NARF: variants seen among roughly 807,000 people sequenced by gnomAD.
NARF encodes nuclear prelamin A recognition factor, also known as iron-only hydrogenase-like protein 2.
NARF carries 41 observed loss-of-function variants against 48.0 expected under a neutral mutation model. That is an observed-to-expected ratio of 0.85 (90% CI 0.66 to 1.11). NARF has a LOEUF of 1.11. Ranked by LOEUF, NARF falls within the 50% of genes least tolerant of loss-of-function variation. NARF has a pLI of 0.00. For missense variants in NARF, 613 were observed against 590.2 expected (o/e 1.04, Z -0.40); for synonymous variants, 215 against 225.5 (o/e 0.95, Z 0.42).
chr17:82,478,990 A>G, intron 6 of NARF, 72 bp downstream of exon 6: 3 of 1,440,298 alleles, frequency 2.1e-6, no homozygotes, highest in Non-Finnish European at 1.9e-6. Flanking sequence ...CAGGAAGGGG[A>G]GGTTCCCCAT....
At chr17:82,470,437 A>G (rs372052657) in intron 4 of NARF, among the ~76,000 whole-genome samples, 179 of 152,356 alleles carry the variant, frequency 1.2e-3, no homozygotes, top group African/African-American at 3.7e-3. Context: ...ATATATCAAT[A>G]AAATGTATCC....
intron 3 of NARF, among the ~76,000 whole-genome samples, chr17:82,466,035 CG>C (rs1221659613): frequency 1.3e-5 from 2 of 152,202 alleles, no homozygotes; most frequent in Non-Finnish European, 2.9e-5. Context: ...CAGCCAGGTT[CG>C]CCATGCATAC....
rs775396816 is a variant in NARF at position 82,488,133 on chromosome 17, A to C, written c.1347A>C (p.Thr449=). ...CGTACCAGAGCCAGGAGCGTGGCAC[A>C]CACAGCCTGGACATCAAGTGGTGAA... ...HTTYQSQERG[T]HSLDIKW Residue 449 remains threonine, a synonymous_variant, in exon 11 of 11, where the codon ACA becomes ACC. Transcript: ENST00000309794. The C allele has an allele frequency of 1.2e-6, 2 of 1,613,994 alleles. No individual in the cohort carries two copies. The highest frequency in any genetic ancestry group is 2.2e-5 in the South Asian group (2 of 91,076).
chr17:82,485,420 CA>C (rs11453409), intron 9 of NARF, 76 bp from the exon 10 acceptor site: 17,115 of 1,248,690 alleles, frequency 0.014, no homozygotes, highest in South Asian at 0.017. Context: ...GACTCCGTCT[CA>C]AAAAAAAAAA....
intron 5 of NARF, among the ~76,000 whole-genome samples, chr17:82,478,118 C>T (rs982382761): frequency 2.6e-5 from 4 of 152,158 alleles, no homozygotes; most frequent in South Asian, 2.1e-4. Context: ...TTCTTATGCA[C>T]TCTGACTGGG....
rs769883920 is a variant in NARF at position 82,489,415 on chromosome 17, C to G, written c.*1258C>G. 1.3e-5 allele frequency: 2 copies of G among 152,502 alleles called. No homozygotes were observed. The highest frequency in any genetic ancestry group is 1.3e-4 in the Admixed American group (2 of 15,270). The allele number at this position is 152,502 out of a possible 1,614,324, so 9.4% of individuals were successfully genotyped here. ...CGCACTGGGGCAAGGGTGACAGACA[C>G]GAGAATGGAAAATTGAGAAGGCTGC... On this transcript the variant is annotated 3_prime_UTR_variant, in exon 11 of 11. Coordinates refer to ENST00000309794, the MANE Select transcript of NARF (RefSeq NM_012336.4).
At chr17:82,478,248 A>G (rs1404971374) in intron 5 of NARF, among the ~76,000 whole-genome samples, 3 of 152,222 alleles carry the variant, frequency 2.0e-5, no homozygotes, top group African/African-American at 4.8e-5. Flanking sequence ...ACCTCAGGAA[A>G]GTGCTCAGAT....
chr17:82,458,769 C>G lies in NARF; in HGVS notation c.-35C>G. 1 of 1,469,270 alleles carries G rather than the reference C, an allele frequency of 6.8e-7. No individual in the cohort carries two copies. Among genetic ancestry groups the G allele is most frequent in the Non-Finnish European group, 9.0e-7 (1 of 1,116,302 alleles). The allele number at this position is 1,469,270 out of a possible 1,614,324, so 91.0% of individuals were successfully genotyped here. A position where few individuals can be genotyped will look rare whatever the true frequency, so the allele number is the denominator to read the frequency against. On this transcript the variant is annotated 5_prime_UTR_variant, in exon 1 of 11. Transcript: ENST00000309794. The stretch of plus-strand genomic sequence containing the variant: ...CCAGTCTCCCGGTGCTTCCCTGAGG[C>G]TGAGGCGCCCGGCCTCCCGCCCGCC...
intron 1 of NARF, chr17:82,459,066 C>T (rs1224965870): frequency 1.7e-6 from 2 of 1,201,010 alleles, no homozygotes; most frequent in African/African-American, 3.2e-5. Flanking sequence ...TTTCCCACGC[C>T]CGCGAAGCGC....
chr17:82,481,028 T>C, intron 6 of NARF, 54 bp from the exon 7 acceptor site: 1 of 1,609,628 alleles, frequency 6.2e-7, no homozygotes, highest in Non-Finnish European at 8.5e-7. Flanking sequence ...GCACCAAGCG[T>C]AAGCTGCCGT....
chr17:82,472,762 A>G (rs576141824), intron 5 of NARF, 64 bp downstream of exon 5: 20 of 1,566,476 alleles, frequency 1.3e-5, no homozygotes, highest in Non-Finnish European at 1.5e-5. Context: ...AAGATTCTGC[A>G]GGCTCTAGAT....
upstream of NARF, chr17:82,458,614 G>A (rs1255789576): frequency 3.0e-6 from 2 of 668,472 alleles, no homozygotes; most frequent in African/African-American, 3.8e-5. Context: ...CCGTAAGGGT[G>A]GGGAATCCTA....
Position 82,485,478 on chromosome 17 carries a change from C to G in NARF, c.972-19C>G. On this transcript the variant is annotated intron_variant, in intron 9 of 10. Coordinates refer to ENST00000309794, the MANE Select transcript of NARF (RefSeq NM_012336.4). ...ATAAAGGACTTGATGGATCAAAATT[C>G]TCTGTGTTCATTTTGTAGAAACAAA... 1 of 1,611,948 alleles carries G rather than the reference C, an allele frequency of 6.2e-7. No individual in the cohort carries two copies. Among genetic ancestry groups the G allele is most frequent in the South Asian group, 1.1e-5 (1 of 90,896 alleles).
In NARF at chr17:82,488,219, A is replaced by G; in HGVS notation, c.*62A>G. The G allele has an allele frequency of 6.3e-7, 1 of 1,583,822 alleles. No individual in the cohort carries two copies. The highest frequency in any genetic ancestry group is 8.6e-7 in the Non-Finnish European group (1 of 1,163,354). ...GAGCCAAGAGCCTCTCAGTAGAGGG[A>G]GGGGCTGCCCTGAGTGGAGTATTAA... On this transcript the variant is annotated 3_prime_UTR_variant, in exon 11 of 11. Coordinates refer to ENST00000309794, the MANE Select transcript of NARF (RefSeq NM_012336.4).
Position 82,478,782 on chromosome 17 carries a change from G to T in NARF, c.521-18G>T. ...AGGAAGCAGTAAGGAGCTGACCGTGGATCCCTTCTCTCCCCAGGCTGGGTC... is the reference window on the plus strand; with the variant it reads ...AGGAAGCAGTAAGGAGCTGACCGTGTATCCCTTCTCTCCCCAGGCTGGGTC... On this transcript the variant is annotated intron_variant, in intron 5 of 10. Transcript: ENST00000309794. 6.2e-7 allele frequency: 1 copy of T among 1,608,698 alleles called. No individual in the cohort carries two copies. Among genetic ancestry groups the T allele is most frequent in the East Asian group, 2.2e-5 (1 of 44,826 alleles).
intron 4 of NARF, among the ~76,000 whole-genome samples, chr17:82,471,563 C>G (rs1262078767): frequency 2.1e-5 from 3 of 145,224 alleles, no homozygotes; most frequent in African/African-American, 5.1e-5. Context: ...GAGGCCGAGG[C>G]GGGCGGATCA....
chr17:82,480,500 C>T, intron 6 of NARF: 1 of 402,688 alleles, frequency 2.5e-6, no homozygotes, highest in Admixed American at 4.4e-5. Flanking sequence ...CACACCCAGT[C>T]CTGAGGGAGG....
intron 5 of NARF, among the ~76,000 whole-genome samples, chr17:82,478,166 C>T (rs1465576042): frequency 1.3e-5 from 2 of 152,162 alleles, no homozygotes; most frequent in African/African-American, 2.4e-5. Context: ...AGGGCTCCTG[C>T]GGTGGAATTG....
chr17:82,481,323 G>A, intron 7 of NARF, 112 bp downstream of exon 7: 1 of 1,504,064 alleles, frequency 6.6e-7, no homozygotes, highest in Non-Finnish European at 8.9e-7. Context: ...CTGCCAATGT[G>A]GTCGCTTGTC....
Sources: gnomAD v4.1 joint callset for allele counts (sites outside exome capture counted in the v4.1 genomes callset) on GRCh38, gnomAD v4.1.1 for gene constraint, MANE v1.5 for transcripts, NCBI Gene and HGNC (gene_info 2026-07-23, HGNC 2026-07-21) for gene names.